LRP1B: variants seen among roughly 807,000 people sequenced by gnomAD.
The protein encoded by LRP1B is LDL receptor related protein 1B.
In LRP1B, 217 loss-of-function variants were observed where a neutral mutation model predicts 556.6. The ratio of observed to expected loss-of-function variants is 0.39; its 90% CI spans 0.35 to 0.44. The LOEUF is 0.44. Among genes scored for constraint, LRP1B ranks in the 20% least tolerant of loss-of-function variants. The probability of loss-of-function intolerance (pLI) is 1.00; values close to 1 mark genes in which losing one functional copy is unlikely to be tolerated. For synonymous variants in LRP1B, 2,047 were observed against 1,865.8 expected (o/e 1.10, Z -2.50); for missense variants, 5,053 against 5,620.8 (o/e 0.90, Z 3.23).
intron 3 of LRP1B, among the ~76,000 whole-genome samples, chr2:141,331,371 CT>C (rs1406714600): frequency 6.6e-6 from 1 of 152,196 alleles, no homozygotes; most frequent in African/African-American, 2.4e-5. Flanking sequence ...TTCAATTCTC[CT>C]TTCCCCTCAA....
At chr2:140,481,608 A>ATTG (rs1688248277) in intron 59 of LRP1B, among the ~76,000 whole-genome samples, 1 of 146,072 alleles carries the variant, frequency 6.8e-6, no homozygotes. Context: ...TATTATTATT[A>ATTG]TTATTATTAT....
intron 2 of LRP1B, among the ~76,000 whole-genome samples, chr2:141,519,405 A>ATATATATATATATATAT (rs1559118227): frequency 7.8e-5 from 2 of 25,692 alleles, no homozygotes; most frequent in Non-Finnish European, 1.6e-4. Flanking sequence ...ATATATATGA[A>ATATATATATATATATAT]ATGCAATATT....
rs374819700 is a variant in LRP1B at position 141,424,806 on chromosome 2, C to G, written c.343+55590G>C. Among the ~76,000 whole-genome samples, 6 of 152,116 alleles carry G rather than the reference C, an allele frequency of 3.9e-5. No homozygotes were observed. In the East Asian group the frequency reaches 9.6e-4, roughly 24 times the overall value. On this transcript the variant is annotated intron_variant, in intron 3 of 90. Transcript: ENST00000389484. ...TATGTACATCTCTCAGTAATTTACT[C>G]AATGCACATTCCTATGGCACTAGCC... is the stretch of plus-strand genomic sequence containing the variant.
chr2:140,386,377 T>C (rs1683762396), intron 66 of LRP1B, among the ~76,000 whole-genome samples: 1 of 152,178 alleles, frequency 6.6e-6, no homozygotes. Flanking sequence ...TTATCCACCC[T>C]GTATTTCTTC....
chr2:142,026,395 C>T (rs755816253), intron 1 of LRP1B, among the ~76,000 whole-genome samples: 15 of 152,092 alleles, frequency 9.9e-5, no homozygotes, highest in Non-Finnish European at 4.4e-5. Flanking sequence ...ATTCCTGCGA[C>T]CAGCCTCCCA....
chr2:140,390,139 C>T (rs1180561330), intron 66 of LRP1B, among the ~76,000 whole-genome samples: 1 of 150,276 alleles, frequency 6.7e-6, no homozygotes, highest in Non-Finnish European at 1.5e-5. Context: ...AAAAAACAAA[C>T]AAACAGAAAA....
At chr2:141,020,811 G>T (rs74326030) in intron 11 of LRP1B, among the ~76,000 whole-genome samples, 1 of 151,840 alleles carries the variant, frequency 6.6e-6, no homozygotes, top group Non-Finnish European at 1.5e-5. Flanking sequence ...TTTTATAAAG[G>T]GGGGGTAACT....
chr2:142,097,602 G>A (rs1261086962), intron 1 of LRP1B, among the ~76,000 whole-genome samples: 1 of 151,534 alleles, frequency 6.6e-6, no homozygotes, highest in Non-Finnish European at 1.5e-5. Flanking sequence ...TAAAACTTAA[G>A]TGAGCTAGTA....
At chr2:140,385,660 TTTC>T (rs1683726018) in intron 67 of LRP1B, among the ~76,000 whole-genome samples, 1 of 152,200 alleles carries the variant, frequency 6.6e-6, no homozygotes, top group South Asian at 2.1e-4. Context: ...CTCATGATAC[TTTC>T]ATACCAGTTG....
chr2:141,931,959 G>A (rs1477692501), intron 1 of LRP1B, among the ~76,000 whole-genome samples: 1 of 151,922 alleles, frequency 6.6e-6, no homozygotes, highest in African/African-American at 2.4e-5. Flanking sequence ...TGAGCAATGA[G>A]GATTTAATAG....
Position 141,426,693 on chromosome 2 carries a change from G to A in LRP1B, c.343+53703C>T, listed in dbSNP as rs150522716. On this transcript the variant is annotated intron_variant, in intron 3 of 90. Coordinates refer to ENST00000389484, the MANE Select transcript of LRP1B (RefSeq NM_018557.3). ...TGTAACATTTCATTTCAAAGGTGAA[G>A]TACTTTCATATAATGCTTTTTTATT... Among the ~76,000 whole-genome samples the A allele has an allele frequency of 2.1e-3, 322 of 152,256 alleles. 1 individual carries two copies. The highest frequency in any genetic ancestry group is 3.6e-3 in the Non-Finnish European group (245 of 67,996).
chr2:140,754,851 C>T (rs1469409656), intron 35 of LRP1B, among the ~76,000 whole-genome samples: 2 of 148,890 alleles, frequency 1.3e-5, no homozygotes, highest in Non-Finnish European at 3.0e-5. Context: ...AGAGGAAAAA[C>T]AACAGAAAAT....
intron 1 of LRP1B, among the ~76,000 whole-genome samples, chr2:142,029,535 G>A (rs1219219958): frequency 6.6e-6 from 1 of 151,716 alleles, no homozygotes; most frequent in Non-Finnish European, 1.5e-5. Context: ...AAACACACAT[G>A]CTTGTATTTA....
chr2:141,368,379 T>A (rs896601772), intron 3 of LRP1B, among the ~76,000 whole-genome samples: 4 of 152,122 alleles, frequency 2.6e-5, no homozygotes, highest in African/African-American at 9.7e-5. Context: ...TGAAAACTAA[T>A]TTGCAGAAGA....
chr2:141,114,029 A>C (rs1700818600), intron 7 of LRP1B, among the ~76,000 whole-genome samples: 1 of 152,246 alleles, frequency 6.6e-6, no homozygotes, highest in Non-Finnish European at 1.5e-5. Context: ...AAAACAATTC[A>C]ATTTTAAAAT....
intron 4 of LRP1B, among the ~76,000 whole-genome samples, chr2:141,251,616 C>A (rs640696): frequency 0.22 from 32,650 of 151,678 alleles, 3,603 homozygotes; most frequent in South Asian, 0.25. Flanking sequence ...ACCAATGGAC[C>A]AAGTTGAGAC....
intron 62 of LRP1B, 61 bp downstream of exon 62, chr2:140,456,394 A>T (rs554212023): frequency 1.3e-6 from 2 of 1,501,958 alleles, no homozygotes; most frequent in East Asian, 4.6e-5. Flanking sequence ...ATGTTATGCT[A>T]AACAAAAGAG....
chr2:140,270,110 A>C (rs1682389433), intron 86 of LRP1B, 132 bp downstream of exon 86: 2 of 645,742 alleles, frequency 3.1e-6, no homozygotes, highest in Admixed American at 5.2e-5. Context: ...CTGATGAGGG[A>C]CAATACTTGA....
chr2:141,882,596 G>T (rs1161303207), intron 1 of LRP1B, among the ~76,000 whole-genome samples: 1 of 152,184 alleles, frequency 6.6e-6, no homozygotes, highest in Non-Finnish European at 1.5e-5. Flanking sequence ...AATCTCATTA[G>T]CTGCCAGAGA....
Sources: gnomAD v4.1 joint callset for allele counts (sites outside exome capture counted in the v4.1 genomes callset) on GRCh38, gnomAD v4.1.1 for gene constraint, MANE v1.5 for transcripts, NCBI Gene and HGNC (gene_info 2026-07-23, HGNC 2026-07-21) for gene names.